Variants in INPP4B observed in about 807,000 individuals in gnomAD.
The protein encoded by INPP4B is inositol polyphosphate-4-phosphatase type II B.
In INPP4B, 55 loss-of-function variants were observed where a neutral mutation model predicts 122.5. That is an observed-to-expected ratio of 0.45 (90% CI 0.36 to 0.56). The LOEUF (loss-of-function observed/expected upper bound fraction) is 0.56. INPP4B is among the 20% of genes least tolerant of loss of function. INPP4B has a pLI of 0.00. For synonymous variants in INPP4B, 403 were observed against 388.7 expected, an observed-to-expected ratio of 1.04 and a Z score of -0.43; for missense variants, 1,000 against 1,097.7, an observed-to-expected ratio of 0.91 and a Z score of 1.26.
At chr4:142,457,810 G>A (rs962137141) in intron 3 of INPP4B, among the ~76,000 whole-genome samples, 5 of 152,128 alleles carry the variant, frequency 3.3e-5, no homozygotes, top group Admixed American at 6.6e-5. Context: ...TGCCCAGGCT[G>A]GTCTCAAACT....
intron 18 of INPP4B, among the ~76,000 whole-genome samples, chr4:142,138,134 C>T (rs1343761539): frequency 1.3e-5 from 2 of 151,014 alleles, no homozygotes; most frequent in African/African-American, 2.4e-5. Flanking sequence ...TTGGAACCAA[C>T]CCAAATGTCC....
chr4:142,289,191 T>C (rs987151472), intron 9 of INPP4B, among the ~76,000 whole-genome samples: 12 of 152,336 alleles, frequency 7.9e-5, no homozygotes, highest in African/African-American at 2.9e-4. Flanking sequence ...AATATGGTGA[T>C]GATTTTTCTC....
At chr4:142,605,841 A>G (rs1463551804) in intron 2 of INPP4B, among the ~76,000 whole-genome samples, 1 of 151,992 alleles carries the variant, frequency 6.6e-6, no homozygotes, top group Non-Finnish European at 1.5e-5. Context: ...AACAGTATGC[A>G]GATTTCTCAA....
At chr4:142,815,076 C>T (rs1255568786) in intron 1 of INPP4B, among the ~76,000 whole-genome samples, 1 of 152,140 alleles carries the variant, frequency 6.6e-6, no homozygotes, top group Non-Finnish European at 1.5e-5. Flanking sequence ...CATTTTACTT[C>T]TCTGGTCTTC....
intron 2 of INPP4B, among the ~76,000 whole-genome samples, chr4:142,565,642 T>C (rs1731464766): frequency 6.6e-6 from 1 of 152,172 alleles, no homozygotes; most frequent in Non-Finnish European, 1.5e-5. Context: ...CTAAAATTAG[T>C]GGCAAAGGTG....
chr4:142,816,853 A>G (rs1324810646), intron 1 of INPP4B, among the ~76,000 whole-genome samples: 1 of 152,136 alleles, frequency 6.6e-6, no homozygotes, highest in African/African-American at 2.4e-5. Flanking sequence ...TGGGAAACAA[A>G]TAAGGTATAA....
chr4:142,539,516 C>T (rs961441323), intron 2 of INPP4B, among the ~76,000 whole-genome samples: 1 of 152,012 alleles, frequency 6.6e-6, no homozygotes, highest in African/African-American at 2.4e-5. Flanking sequence ...TTAAGGTGTT[C>T]TTCCCTTTGC....
chr4:142,788,485 A>G, intron 1 of INPP4B, among the ~76,000 whole-genome samples: 1 of 152,064 alleles, frequency 6.6e-6, no homozygotes, highest in Non-Finnish European at 1.5e-5. Context: ...TTCTATTTCC[A>G]TAGGTTATTG....
At chr4:142,811,035 T>C (rs936949818) in intron 1 of INPP4B, among the ~76,000 whole-genome samples, 2 of 152,208 alleles carry the variant, frequency 1.3e-5, no homozygotes, top group Non-Finnish European at 2.9e-5. Context: ...TCTGCACTGG[T>C]TGTTAAAATA....
intron 2 of INPP4B, among the ~76,000 whole-genome samples, chr4:142,563,396 A>T (rs1312258824): frequency 6.6e-6 from 1 of 152,196 alleles, no homozygotes; most frequent in African/African-American, 2.4e-5. Context: ...AGGCAAATTG[A>T]AAAGGAATAA....
intron 21 of INPP4B, among the ~76,000 whole-genome samples, chr4:142,120,091 TG>T (rs1795930488): frequency 6.6e-6 from 1 of 151,992 alleles, no homozygotes; most frequent in Admixed American, 6.6e-5. Context: ...CATCATTTTT[TG>T]AAAAGATTCT....
intron 7 of INPP4B, among the ~76,000 whole-genome samples, chr4:142,375,349 TGTCA>T (rs1791457882): frequency 6.6e-6 from 1 of 151,690 alleles, no homozygotes; most frequent in African/African-American, 2.4e-5. Flanking sequence ...CATATGTCAG[TGTCA>T]GTATTTCTCA....
In INPP4B at chr4:142,322,164, C is replaced by A. The variant is rs187623732; in HGVS notation, c.373-7402G>T. Among the ~76,000 whole-genome samples, 71 of 152,116 alleles carry A rather than the reference C, an allele frequency of 4.7e-4. No homozygotes were observed. In the East Asian group the frequency reaches 8.3e-3, roughly 18 times the overall value. On this transcript the variant is annotated intron_variant, in intron 7 of 25. Coordinates refer to ENST00000262992, the MANE Select transcript of INPP4B (RefSeq NM_001101669.3). Reference sequence around the variant, plus strand: ...AGCTTTCTAAAATCTATCAGCTAGTCTTAGATAACGGTTTTCTAGTTGTTT... The same window carrying A: ...AGCTTTCTAAAATCTATCAGCTAGTATTAGATAACGGTTTTCTAGTTGTTT...
At chr4:142,683,835 A>G (rs1054357767) in intron 2 of INPP4B, among the ~76,000 whole-genome samples, 5 of 151,976 alleles carry the variant, frequency 3.3e-5, no homozygotes, top group Admixed American at 3.3e-4. Context: ...AAGGAAGACC[A>G]AAACCATTCT....
intron 7 of INPP4B, among the ~76,000 whole-genome samples, chr4:142,373,548 C>G (rs1333792238): frequency 6.6e-6 from 1 of 151,892 alleles, no homozygotes; most frequent in Admixed American, 6.6e-5. Flanking sequence ...TTTGGGAAAG[C>G]TGCTTCACCT....
chr4:142,060,912 G>T (rs1004605500), intron 25 of INPP4B, among the ~76,000 whole-genome samples: 5 of 152,152 alleles, frequency 3.3e-5, no homozygotes, highest in Admixed American at 3.3e-4. Flanking sequence ...TTAGAACATG[G>T]TATTTGATTT....
At chr4:142,648,507 A>C (rs892499207) in intron 2 of INPP4B, among the ~76,000 whole-genome samples, 1 of 152,230 alleles carries the variant, frequency 6.6e-6, no homozygotes, top group Non-Finnish European at 1.5e-5. Context: ...CAAGCAGACA[A>C]GGAGATTCTC....
chr4:142,822,522 T>G (rs1780912052), intron 1 of INPP4B, among the ~76,000 whole-genome samples: 1 of 152,108 alleles, frequency 6.6e-6, no homozygotes, highest in Admixed American at 6.6e-5. Flanking sequence ...AACCCTATTG[T>G]GAACTCTGCA....
chr4:142,594,238 ATTC>A (rs1339165205), intron 2 of INPP4B, among the ~76,000 whole-genome samples: 1 of 107,526 alleles, frequency 9.3e-6, no homozygotes, highest in African/African-American at 3.6e-5. Flanking sequence ...GTAGATCTTT[ATTC>A]TTCTGTTGAA....
Sources: gnomAD v4.1 joint callset for allele counts (sites outside exome capture counted in the v4.1 genomes callset) on GRCh38, gnomAD v4.1.1 for gene constraint, MANE v1.5 for transcripts, NCBI Gene and HGNC (gene_info 2026-07-23, HGNC 2026-07-21) for gene names.